The following NKAIN2 variants were observed in gnomAD, a reference collection of about 807,000 sequenced individuals.
The protein encoded by NKAIN2 is sodium/potassium-transporting ATPase subunit beta-1-interacting protein 2.
Under a neutral mutation model 32.6 loss-of-function variants are expected in NKAIN2, and 14 were observed. That is an observed-to-expected ratio of 0.43 (90% CI 0.28 to 0.67). The LOEUF is 0.67. Among genes scored for constraint, NKAIN2 ranks in the 30% least tolerant of loss-of-function variants. The pLI is 0.17. For synonymous variants in NKAIN2, 80 were observed against 87.2 expected, an observed-to-expected ratio of 0.92 and a Z score of 0.46; for missense variants, 198 against 258.3, an observed-to-expected ratio of 0.77 and a Z score of 1.60.
intron 1 of NKAIN2, among the ~76,000 whole-genome samples, chr6:124,106,636 C>G (rs1342478117): frequency 6.6e-6 from 1 of 152,150 alleles, no homozygotes; most frequent in Non-Finnish European, 1.5e-5. Flanking sequence ...TTAGGTAAAG[C>G]TGGAGGGATT....
intron 2 of NKAIN2, among the ~76,000 whole-genome samples, chr6:124,314,828 C>G (rs540294022): frequency 6.6e-6 from 1 of 152,104 alleles, no homozygotes; most frequent in Non-Finnish European, 1.5e-5. Flanking sequence ...CTGCAATATC[C>G]ATTACAGAAA....
chr6:123,859,454 G>T (rs1016141719), intron 1 of NKAIN2, among the ~76,000 whole-genome samples: 1 of 152,068 alleles, frequency 6.6e-6, no homozygotes, highest in African/African-American at 2.4e-5. Flanking sequence ...GACACACCGA[G>T]AATACATTTT....
chr6:124,245,433 A>G (rs540660113), intron 1 of NKAIN2, among the ~76,000 whole-genome samples: 2 of 152,182 alleles, frequency 1.3e-5, no homozygotes, highest in African/African-American at 4.8e-5. Flanking sequence ...GGAGTGTTAT[A>G]TATATATTTA....
intron 1 of NKAIN2, among the ~76,000 whole-genome samples, chr6:123,973,238 G>T: frequency 6.6e-6 from 1 of 152,062 alleles, no homozygotes. Flanking sequence ...TTGGCTTGCA[G>T]ATTAAACTAT....
intron 3 of NKAIN2, among the ~76,000 whole-genome samples, chr6:124,498,801 G>T (rs1427014778): frequency 6.6e-6 from 1 of 151,996 alleles, no homozygotes; most frequent in African/African-American, 2.4e-5. Context: ...GAATATATTT[G>T]GTAATTAATA....
chr6:123,920,994 G>A (rs1775726016), intron 1 of NKAIN2, among the ~76,000 whole-genome samples: 2 of 152,130 alleles, frequency 1.3e-5, no homozygotes, highest in Admixed American at 1.3e-4. Flanking sequence ...TATGACTGTG[G>A]GGTGGAGTGG....
At chr6:124,398,234 C>CAG (rs10574616) in intron 3 of NKAIN2, among the ~76,000 whole-genome samples, 3 of 109,208 alleles carry the variant, frequency 2.7e-5, no homozygotes, top group African/African-American at 1.3e-4. Context: ...GCCTGGGTGA[C>CAG]AGAGAGAGAC....
chr6:123,940,235 C>CA (rs1776751067), intron 1 of NKAIN2, among the ~76,000 whole-genome samples: 1 of 151,688 alleles, frequency 6.6e-6, no homozygotes, highest in African/African-American at 2.4e-5. Flanking sequence ...ACTTAAAGCA[C>CA]AAAAAAATCA....
intron 1 of NKAIN2, among the ~76,000 whole-genome samples, chr6:124,119,140 G>A (rs991202452): frequency 4.2e-4 from 64 of 152,122 alleles, no homozygotes; most frequent in African/African-American, 1.5e-3. Context: ...GGTACTATAT[G>A]ATATAGCTCC....
intron 3 of NKAIN2, among the ~76,000 whole-genome samples, chr6:124,568,889 T>C (rs1182463767): frequency 6.7e-6 from 1 of 150,316 alleles, no homozygotes; most frequent in Non-Finnish European, 1.5e-5. Context: ...CTCATACATG[T>C]TTAAGCACTT....
chr6:124,796,444 T>TAC (rs982140184), intron 5 of NKAIN2, among the ~76,000 whole-genome samples: 3 of 152,094 alleles, frequency 2.0e-5, no homozygotes, highest in African/African-American at 7.2e-5. Flanking sequence ...CACATCCAAA[T>TAC]ACACACACAC....
chr6:124,345,759 A>G (rs1798390555), intron 2 of NKAIN2, among the ~76,000 whole-genome samples: 1 of 151,560 alleles, frequency 6.6e-6, no homozygotes, highest in Non-Finnish European at 1.5e-5. Context: ...CGGTCTATCA[A>G]TTTTGTTGAT....
At chr6:124,114,702 G>T (rs1014306825) in intron 1 of NKAIN2, among the ~76,000 whole-genome samples, 8 of 152,108 alleles carry the variant, frequency 5.3e-5, no homozygotes, top group Non-Finnish European at 1.0e-4. Context: ...CAGAAGAAAC[G>T]AGAGAATGTG....
intron 1 of NKAIN2, among the ~76,000 whole-genome samples, chr6:124,239,557 A>C (rs1792961902): frequency 6.6e-6 from 1 of 152,218 alleles, no homozygotes. Flanking sequence ...CTCAGACCAC[A>C]GTGCAATCAA....
chr6:124,817,247 T>A (rs1415737783), intron 5 of NKAIN2, among the ~76,000 whole-genome samples: 1 of 152,202 alleles, frequency 6.6e-6, no homozygotes, highest in African/African-American at 2.4e-5. Flanking sequence ...TTTGGCATTT[T>A]TTTTTTTGGC....
intron 1 of NKAIN2, among the ~76,000 whole-genome samples, chr6:124,068,858 A>C (rs1331512087): frequency 6.6e-6 from 1 of 152,056 alleles, no homozygotes; most frequent in Non-Finnish European, 1.5e-5. Flanking sequence ...TTTCCCAAGA[A>C]GGGGCCTTCT....
At chr6:124,415,015 C>T (rs1184437691) in intron 3 of NKAIN2, among the ~76,000 whole-genome samples, 1 of 151,908 alleles carries the variant, frequency 6.6e-6, no homozygotes, top group Non-Finnish European at 1.5e-5. Flanking sequence ...TCTCACTCAA[C>T]AATAGTCAAC....
intron 1 of NKAIN2, among the ~76,000 whole-genome samples, chr6:123,883,187 C>T (rs1773530868): frequency 6.6e-6 from 1 of 152,076 alleles, no homozygotes; most frequent in Non-Finnish European, 1.5e-5. Flanking sequence ...CTCTGTCGCC[C>T]AGGCTGGAGT....
At chr6:124,702,843 C>A (rs533705918) in intron 4 of NKAIN2, among the ~76,000 whole-genome samples, 1 of 151,966 alleles carries the variant, frequency 6.6e-6, no homozygotes, top group Non-Finnish European at 1.5e-5. Context: ...GAAACTACAG[C>A]GACATTATTT....
Sources: gnomAD v4.1 joint callset for allele counts (sites outside exome capture counted in the v4.1 genomes callset) on GRCh38, gnomAD v4.1.1 for gene constraint, MANE v1.5 for transcripts, NCBI Gene and HGNC (gene_info 2026-07-23, HGNC 2026-07-21) for gene names.